Variants in PDE3B observed in about 807,000 individuals in gnomAD.
The protein encoded by PDE3B is phosphodiesterase 3B.
Under a neutral mutation model 116.8 loss-of-function variants are expected in PDE3B, and 66 were observed. The observed-to-expected ratio is 0.56, with a 90% CI of 0.46 to 0.69. The LOEUF is 0.69. PDE3B is among the 30% of genes least tolerant of loss of function. The pLI is 0.00. For synonymous variants in PDE3B, 595 were observed against 533.6 expected, an observed-to-expected ratio of 1.12 and a Z score of -1.59; for missense variants, 1,384 against 1,368.1, an observed-to-expected ratio of 1.01 and a Z score of -0.18.
At chr11:14,879,081 T>C in the PDE3B span, 2 of 1,520,046 alleles carry the variant, frequency 1.3e-6, no homozygotes, top group Non-Finnish European at 1.8e-6. Context: ...TTATCCTTTA[T>C]TCTAAAGTTA....
the PDE3B span, chr11:14,880,104 A>G: frequency 1.2e-6 from 2 of 1,610,832 alleles, no homozygotes; most frequent in Non-Finnish European, 1.7e-6. Flanking sequence ...ACATGTAAGG[A>G]TAGACCCTGA....
At chr11:14,803,088 T>G (rs1055605440) in intron 4 of PDE3B, among the ~76,000 whole-genome samples, 13 of 152,160 alleles carry the variant, frequency 8.5e-5, no homozygotes, top group African/African-American at 2.7e-4. Context: ...ATTTGCAGCA[T>G]TTAGCAAAGC....
At chr11:14,710,997 T>C (rs1227852094) in intron 1 of PDE3B, among the ~76,000 whole-genome samples, 4 of 152,226 alleles carry the variant, frequency 2.6e-5, no homozygotes, top group Non-Finnish European at 5.9e-5. Flanking sequence ...TAATAGGCTA[T>C]TACATAGAGG....
intron 1 of PDE3B, among the ~76,000 whole-genome samples, chr11:14,664,712 AC>A (rs1395703946): frequency 5.3e-5 from 8 of 152,176 alleles, no homozygotes; most frequent in African/African-American, 1.9e-4. Context: ...CCAAGACTAA[AC>A]CAGGAAGAAG....
intron 2 of PDE3B, among the ~76,000 whole-genome samples, chr11:14,783,323 G>A (rs1476055352): frequency 6.6e-6 from 1 of 152,034 alleles, no homozygotes; most frequent in Admixed American, 6.6e-5. Context: ...TGTTTATTGC[G>A]GCACTATTCA....
the PDE3B span, among the ~76,000 whole-genome samples, chr11:14,885,340 C>A: frequency 9.6e-4 from 146 of 152,218 alleles, 1 homozygote; most frequent in South Asian, 4.4e-3. Flanking sequence ...ACAAACCATG[C>A]AACTCTATAC....
chr11:14,658,202 G>C (rs1853773267), intron 1 of PDE3B, among the ~76,000 whole-genome samples: 1 of 152,100 alleles, frequency 6.6e-6, no homozygotes, highest in Admixed American at 6.5e-5. Flanking sequence ...ATAAGTGAAA[G>C]GGTAGAGAGA....
intron 12 of PDE3B, among the ~76,000 whole-genome samples, chr11:14,845,916 T>C (rs1022241709): frequency 3.9e-5 from 6 of 152,158 alleles, no homozygotes; most frequent in Non-Finnish European, 5.9e-5. Flanking sequence ...AAACACTCTG[T>C]AGGATATTAT....
At chr11:14,804,590 A>C (rs1858864239) in intron 5 of PDE3B, among the ~76,000 whole-genome samples, 1 of 152,164 alleles carries the variant, frequency 6.6e-6, no homozygotes, top group African/African-American at 2.4e-5. Context: ...GATATCACAT[A>C]GGTACAATTT....
At chr11:14,690,094 A>G (rs2133805404) in intron 1 of PDE3B, among the ~76,000 whole-genome samples, 1 of 152,320 alleles carries the variant, frequency 6.6e-6, no homozygotes, top group African/African-American at 2.4e-5. Flanking sequence ...ACTTAGTGTT[A>G]TGACACAAAG....
chr11:14,722,242 A>C (rs1045540907), intron 1 of PDE3B, among the ~76,000 whole-genome samples: 1 of 152,094 alleles, frequency 6.6e-6, no homozygotes, highest in Non-Finnish European at 1.5e-5. Context: ...GCACACCAAC[A>C]TGGCACATGT....
intron 1 of PDE3B, among the ~76,000 whole-genome samples, chr11:14,769,679 T>C (rs1235720708): frequency 1.4e-5 from 2 of 147,912 alleles, no homozygotes; most frequent in African/African-American, 4.9e-5. Context: ...ACATATATTA[T>C]ATATATGTTT....
chr11:14,892,264 G>C, the PDE3B span: 2 of 1,507,038 alleles, frequency 1.3e-6, no homozygotes, highest in Non-Finnish European at 9.0e-7. Context: ...ACTCCCTCCA[G>C]CCCTGCCATA....
At chr11:14,802,631 G>A (rs1228278518) in intron 4 of PDE3B, among the ~76,000 whole-genome samples, 1 of 152,080 alleles carries the variant, frequency 6.6e-6, no homozygotes, top group Admixed American at 6.6e-5. Flanking sequence ...TTTTCTATTT[G>A]AATGTTGCCC....
intron 1 of PDE3B, among the ~76,000 whole-genome samples, chr11:14,693,719 G>C (rs1195224787): frequency 1.3e-5 from 2 of 152,164 alleles, no homozygotes; most frequent in East Asian, 1.9e-4. Context: ...TCGTCCAAGA[G>C]CTCTGATGGA....
At chr11:14,744,080 A>G (rs1279046868) in intron 1 of PDE3B, among the ~76,000 whole-genome samples, 3 of 152,202 alleles carry the variant, frequency 2.0e-5, no homozygotes, top group African/African-American at 7.2e-5. Flanking sequence ...GTTGAAAATC[A>G]GTTGACCACA....
intron 1 of PDE3B, among the ~76,000 whole-genome samples, chr11:14,725,305 CTTTCTCTT>C (rs1417345379): frequency 2.5e-4 from 30 of 118,228 alleles, no homozygotes; most frequent in Non-Finnish European, 3.4e-4. Context: ...TTCTTTCTTT[CTTTCTCTT>C]TCTTTCTTTC....
At position 14,644,295 on chromosome 11, in the gene PDE3B, C is replaced by A. The variant is rs1301638987; in HGVS notation, c.220C>A (p.Pro74Thr). The A allele has an allele frequency of 5.1e-6, 8 of 1,565,258 alleles. No homozygotes were observed. The African/African-American group carries it at 5.5e-5, about 11-fold the overall frequency. ...ASPQQPRRCS[P>T]FCRARLSLGA... ...TCCCCAGCAGCCGCGGCGCTGCTCCCCCTTCTGCCGGGCGCGCCTCTCGCT... is the reference window on the plus strand; with the variant it reads ...TCCCCAGCAGCCGCGGCGCTGCTCCACCTTCTGCCGGGCGCGCCTCTCGCT... Residue 74 changes from proline to threonine, a missense_variant, in exon 1 of 16, where the codon CCC becomes ACC. Physicochemically the swap from Pro to Thr is conservative, Grantham distance 38 (BLOSUM62 -1). Coordinates refer to ENST00000282096, the MANE Select transcript of PDE3B (RefSeq NM_000922.4).
intron 1 of PDE3B, among the ~76,000 whole-genome samples, chr11:14,704,189 T>A (rs1357058669): frequency 2.0e-5 from 3 of 151,792 alleles, no homozygotes; most frequent in Admixed American, 6.6e-5. Flanking sequence ...ATATCTTTAA[T>A]TTTAATGGTT....
Sources: allele counts gnomAD v4.1 joint callset (sites outside exome capture counted in the v4.1 genomes callset), GRCh38; gene constraint gnomAD v4.1.1; transcripts MANE v1.5; gene names NCBI Gene and HGNC (gene_info 2026-07-23, HGNC 2026-07-21).